Variants in CNTNAP2 observed in about 807,000 individuals in gnomAD.
CNTNAP2 encodes contactin-associated protein-like 2.
Under a neutral mutation model 155.2 loss-of-function variants are expected in CNTNAP2, and 98 were observed. The observed-to-expected ratio is 0.63, with a 90% CI of 0.54 to 0.75. CNTNAP2 has a LOEUF of 0.75. Ranked by LOEUF, CNTNAP2 falls within the 30% of genes least tolerant of loss-of-function variation. CNTNAP2 has a pLI of 0.00. For synonymous variants in CNTNAP2, 651 were observed against 631.2 expected (o/e 1.03, Z -0.47); for missense variants, 1,727 against 1,688.1 (o/e 1.02, Z -0.40).
At chr7:148,263,605 C>T (rs1348528573) in intron 20 of CNTNAP2, among the ~76,000 whole-genome samples, 29 of 151,780 alleles carry the variant, frequency 1.9e-4, no homozygotes, top group African/African-American at 6.3e-4. Context: ...GGCGTGGTGG[C>T]GGGCGCCTGG....
intron 6 of CNTNAP2, among the ~76,000 whole-genome samples, chr7:147,123,844 C>T (rs1387721693): frequency 6.6e-6 from 1 of 152,016 alleles, no homozygotes; most frequent in Non-Finnish European, 1.5e-5. Context: ...AGTTTAAGAC[C>T]AGCCTGGCCA....
At chr7:146,255,917 T>A (rs1351535387) in intron 1 of CNTNAP2, among the ~76,000 whole-genome samples, 1 of 152,218 alleles carries the variant, frequency 6.6e-6, no homozygotes, top group Non-Finnish European at 1.5e-5. Context: ...GAACCCAGTC[T>A]GGTGGAATTT....
At chr7:147,619,176 T>C (rs1157845088) in intron 12 of CNTNAP2, among the ~76,000 whole-genome samples, 1 of 152,232 alleles carries the variant, frequency 6.6e-6, no homozygotes, top group East Asian at 1.9e-4. Flanking sequence ...CCAAAGACAG[T>C]ATTTAAAAAG....
chr7:148,373,461 C>T (rs945946334), intron 21 of CNTNAP2, among the ~76,000 whole-genome samples: 5 of 151,994 alleles, frequency 3.3e-5, no homozygotes, highest in Non-Finnish European at 7.4e-5. Flanking sequence ...TCTCAAAAAA[C>T]AACAACAACA....
intron 15 of CNTNAP2, among the ~76,000 whole-genome samples, chr7:148,080,040 G>C (rs1283901582): frequency 6.6e-6 from 1 of 152,164 alleles, no homozygotes; most frequent in Non-Finnish European, 1.5e-5. Context: ...AGTTCACCAA[G>C]TTGTCTCCCT....
chr7:146,809,746 C>G (rs964165319), intron 2 of CNTNAP2, among the ~76,000 whole-genome samples: 3 of 152,118 alleles, frequency 2.0e-5, no homozygotes, highest in Non-Finnish European at 2.9e-5. Context: ...CTTATATATT[C>G]TAGACATTAA....
chr7:146,123,265 A>G (rs1297164882), intron 1 of CNTNAP2, among the ~76,000 whole-genome samples: 2 of 152,242 alleles, frequency 1.3e-5, no homozygotes, highest in South Asian at 2.1e-4. Flanking sequence ...AAACATAAAT[A>G]GTGATATATG....
chr7:146,893,554 C>T (rs1004367126), intron 3 of CNTNAP2, among the ~76,000 whole-genome samples: 3 of 151,760 alleles, frequency 2.0e-5, no homozygotes, highest in Non-Finnish European at 4.4e-5. Flanking sequence ...GGAGCAGAAG[C>T]ATGTACAGGT....
At chr7:146,659,900 C>T (rs1800058377) in intron 1 of CNTNAP2, among the ~76,000 whole-genome samples, 1 of 152,288 alleles carries the variant, frequency 6.6e-6, no homozygotes, top group Admixed American at 6.5e-5. Context: ...GATGTTGGCA[C>T]AGTGCTGAAG....
intron 12 of CNTNAP2, among the ~76,000 whole-genome samples, chr7:147,572,868 C>G (rs1009511738): frequency 2.0e-5 from 3 of 152,116 alleles, no homozygotes; most frequent in Non-Finnish European, 4.4e-5. Flanking sequence ...ATAACTGTTT[C>G]TGTTTCTCCA....
intron 3 of CNTNAP2, among the ~76,000 whole-genome samples, chr7:146,906,241 G>A (rs1365045011): frequency 1.3e-5 from 2 of 152,218 alleles, no homozygotes; most frequent in Non-Finnish European, 2.9e-5. Flanking sequence ...GCCCGCCATT[G>A]CCCAGGCTTG....
chr7:147,639,696 G>C (rs1563034121), intron 13 of CNTNAP2, among the ~76,000 whole-genome samples: 1 of 152,190 alleles, frequency 6.6e-6, no homozygotes, highest in Non-Finnish European at 1.5e-5. Context: ...CAGCCAAATA[G>C]GATATAGAAT....
At chr7:148,173,711 C>T (rs1228965572) in intron 18 of CNTNAP2, among the ~76,000 whole-genome samples, 7 of 152,144 alleles carry the variant, frequency 4.6e-5, no homozygotes, top group African/African-American at 7.2e-5. Flanking sequence ...GATTTTCCTG[C>T]GGCACACAAT....
chr7:147,246,447 C>T (rs1418724240), intron 8 of CNTNAP2, among the ~76,000 whole-genome samples: 1 of 152,138 alleles, frequency 6.6e-6, no homozygotes, highest in African/African-American at 2.4e-5. Flanking sequence ...CTGGGCAGTC[C>T]AAGCTGCTGG....
intron 3 of CNTNAP2, among the ~76,000 whole-genome samples, chr7:146,843,596 C>CAAAAAA (rs10639255): frequency 2.1e-4 from 26 of 126,562 alleles, no homozygotes; most frequent in Admixed American, 1.6e-3. Context: ...CTTACTAATA[C>CAAAAAA]AAAAAAAAAA....
intron 1 of CNTNAP2, among the ~76,000 whole-genome samples, chr7:146,674,303 G>A (rs1018397603): frequency 1.3e-5 from 2 of 152,114 alleles, no homozygotes; most frequent in African/African-American, 4.8e-5. Context: ...CTATGTGTCA[G>A]ACATTTTATA....
intron 13 of CNTNAP2, among the ~76,000 whole-genome samples, chr7:147,756,514 G>T (rs777110889): frequency 5.3e-5 from 8 of 152,086 alleles, no homozygotes; most frequent in African/African-American, 1.9e-4. Context: ...TAGGATAGCC[G>T]ATGTTTTGTC....
chr7:148,259,453 G>T (rs146262169), intron 20 of CNTNAP2, among the ~76,000 whole-genome samples: 1 of 151,934 alleles, frequency 6.6e-6, no homozygotes. Context: ...GAAAAAAGAT[G>T]ATATATTCTA....
chr7:148,282,827 T>C (rs1202293375), intron 21 of CNTNAP2, among the ~76,000 whole-genome samples: 1 of 118,782 alleles, frequency 8.4e-6, no homozygotes, highest in East Asian at 2.7e-4. Context: ...TAGTATTTGG[T>C]TAAAGAAGAT....
Sources: allele counts gnomAD v4.1 joint callset (sites outside exome capture counted in the v4.1 genomes callset), GRCh38; gene constraint gnomAD v4.1.1; transcripts MANE v1.5; gene names NCBI Gene and HGNC (gene_info 2026-07-23, HGNC 2026-07-21).